Variants in ZNF521 observed in about 807,000 individuals in gnomAD.
ZNF521 encodes zinc finger protein 521.
ZNF521 carries 14 observed loss-of-function variants against 105.5 expected under a neutral mutation model. The observed-to-expected ratio is 0.13, with a 90% CI of 0.09 to 0.21. The LOEUF is 0.21. ZNF521 is among the 10% of genes least tolerant of loss of function. The pLI, the probability that ZNF521 is intolerant of heterozygous loss-of-function variation, is 1.00. For missense variants in ZNF521, 1,233 were observed against 1,629.7 expected, an observed-to-expected ratio of 0.76 and a Z score of 4.19; for synonymous variants, 635 against 606.0, an observed-to-expected ratio of 1.05 and a Z score of -0.70.
intron 2 of ZNF521, among the ~76,000 whole-genome samples, chr18:25,341,755 C>T (rs1914212508): frequency 1.3e-5 from 2 of 152,200 alleles, no homozygotes; most frequent in Admixed American, 6.5e-5. Context: ...TACACACGTA[C>T]GTCCTTCTCC....
At chr18:25,137,861 T>C (rs2034766388) in intron 5 of ZNF521, among the ~76,000 whole-genome samples, 2 of 152,196 alleles carry the variant, frequency 1.3e-5, no homozygotes, top group Non-Finnish European at 2.9e-5. Flanking sequence ...ATCCTAAGGA[T>C]GCCTAATCCT....
chr18:25,303,271 C>CGT (rs756904913), intron 3 of ZNF521, among the ~76,000 whole-genome samples: 15,025 of 132,446 alleles, frequency 0.11, 862 homozygotes, highest in East Asian at 0.15. Flanking sequence ...TTCTTTCTTT[C>CGT]GTGTGTGTGT....
At chr18:25,133,706 T>C (rs1278436729) in intron 5 of ZNF521, among the ~76,000 whole-genome samples, 1 of 152,196 alleles carries the variant, frequency 6.6e-6, no homozygotes, top group African/African-American at 2.4e-5. Flanking sequence ...TTATCATCAA[T>C]TTATTTTAAT....
intron 5 of ZNF521, among the ~76,000 whole-genome samples, chr18:25,190,769 G>T (rs193105454): frequency 2.9e-3 from 441 of 152,268 alleles, no homozygotes; most frequent in African/African-American, 0.01. Flanking sequence ...ACACTGTTAA[G>T]AACGGATTTA....
At chr18:25,320,303 G>C (rs1268074383) in intron 3 of ZNF521, among the ~76,000 whole-genome samples, 2 of 152,130 alleles carry the variant, frequency 1.3e-5, no homozygotes, top group Non-Finnish European at 2.9e-5. Context: ...CTCCTGAGTA[G>C]CTGGGATTAC....
In ZNF521 at chr18:25,224,926, G is replaced by T; in HGVS notation, c.2992C>A (p.Gln998Lys). ...TGCTCTAAAAACTCCTCTTCACTCT[G>T]GAGAGGCATCTTGCAAATCCGGCAG... The part of the protein sequence containing the change: ...GNCRICKMPL[Q>K]SEEEFLEHCQ... Residue 998 changes from glutamine (Q) to lysine (K), a missense_variant, in exon 4 of 8, where the codon CAG (glutamine) becomes AAG (lysine). Coordinates refer to ENST00000361524, the MANE Select transcript of ZNF521 (RefSeq NM_015461.3). 1 of 1,613,954 alleles carries T rather than the reference G, an allele frequency of 6.2e-7. No homozygotes were observed. The highest frequency in any genetic ancestry group is 1.3e-5 in the African/African-American group (1 of 75,010).
At chr18:25,240,386 AAAC>A (rs1266829581) in intron 3 of ZNF521, among the ~76,000 whole-genome samples, 2 of 152,108 alleles carry the variant, frequency 1.3e-5, no homozygotes, top group African/African-American at 2.4e-5. Flanking sequence ...ACAACAACAA[AAAC>A]AACAACAAAA....
intron 3 of ZNF521, among the ~76,000 whole-genome samples, chr18:25,275,137 T>C (rs1909948008): frequency 6.6e-6 from 1 of 152,300 alleles, no homozygotes; most frequent in East Asian, 1.9e-4. Flanking sequence ...AAATTTACAG[T>C]GGATTTCCTG....
At chr18:25,308,789 T>C (rs1371546638) in intron 3 of ZNF521, among the ~76,000 whole-genome samples, 1 of 152,132 alleles carries the variant, frequency 6.6e-6, no homozygotes, top group East Asian at 1.9e-4. Context: ...GATGAATGCA[T>C]AGTGGTATTG....
chr18:25,151,420 G>T (rs1443794007), intron 5 of ZNF521, among the ~76,000 whole-genome samples: 1 of 152,118 alleles, frequency 6.6e-6, no homozygotes, highest in Non-Finnish European at 1.5e-5. Context: ...AATGATTTAT[G>T]TTGTTACTAT....
intron 5 of ZNF521, among the ~76,000 whole-genome samples, chr18:25,173,862 A>C (rs2035490118): frequency 6.6e-6 from 1 of 152,192 alleles, no homozygotes; most frequent in Non-Finnish European, 1.5e-5. Context: ...AATCTAACTC[A>C]ATAATTCCTC....
At chr18:25,175,025 T>C (rs2035512722) in intron 5 of ZNF521, among the ~76,000 whole-genome samples, 2 of 152,232 alleles carry the variant, frequency 1.3e-5, no homozygotes, top group African/African-American at 4.8e-5. Context: ...ACTATTACCA[T>C]TCCTGTCAAT....
intron 4 of ZNF521, among the ~76,000 whole-genome samples, chr18:25,205,654 C>A (rs2144667213): frequency 6.6e-6 from 1 of 152,114 alleles, no homozygotes; most frequent in East Asian, 1.9e-4. Flanking sequence ...GAGACCCCAT[C>A]CAGAAGAGTG....
chr18:25,142,807 C>T (rs914471679), intron 5 of ZNF521, among the ~76,000 whole-genome samples: 3 of 151,922 alleles, frequency 2.0e-5, no homozygotes, highest in Non-Finnish European at 4.4e-5. Flanking sequence ...ATTAACACTA[C>T]TTTGTGATAA....
At chr18:25,158,546 A>G (rs2035190574) in intron 5 of ZNF521, among the ~76,000 whole-genome samples, 3 of 152,212 alleles carry the variant, frequency 2.0e-5, no homozygotes, top group Non-Finnish European at 4.4e-5. Context: ...GGAAAAGGAA[A>G]CACTATTATC....
In ZNF521 at chr18:25,334,415, C is replaced by A. The variant is rs140771713; in HGVS notation, c.41-12228G>T. On this transcript the variant is annotated intron_variant, in intron 2 of 7. Transcript: ENST00000361524. ...GATGAAAGATGCCCACTTTCAAGTT[C>A]TTTTTCTGCTTCAGCCATACTAACT... is the stretch of plus-strand genomic sequence containing the variant. Among the ~76,000 whole-genome samples the A allele has an allele frequency of 6.0e-4, 92 of 152,254 alleles. 1 individual carries two copies. In the East Asian group the frequency reaches 0.017, roughly 28 times the overall value.
At chr18:25,233,667 T>C (rs1483089098) in intron 3 of ZNF521, among the ~76,000 whole-genome samples, 1 of 151,204 alleles carries the variant, frequency 6.6e-6, no homozygotes, top group East Asian at 1.9e-4. Context: ...CAGAGGTTTT[T>C]TTTTTTTTTT....
intron 4 of ZNF521, among the ~76,000 whole-genome samples, chr18:25,206,197 G>T (rs1010453488): frequency 6.6e-6 from 1 of 151,902 alleles, no homozygotes; most frequent in Non-Finnish European, 1.5e-5. Context: ...TAGTAGAGAT[G>T]GGGTTTTGCT....
At chr18:25,161,422 A>G (rs150111790) in intron 5 of ZNF521, among the ~76,000 whole-genome samples, 113 of 152,236 alleles carry the variant, frequency 7.4e-4, no homozygotes, top group African/African-American at 2.7e-3. Flanking sequence ...TATGGACACA[A>G]TGGAGGGGAA....
Sources: allele counts gnomAD v4.1 joint callset (sites outside exome capture counted in the v4.1 genomes callset), GRCh38; gene constraint gnomAD v4.1.1; transcripts MANE v1.5; gene names NCBI Gene and HGNC (gene_info 2026-07-23, HGNC 2026-07-21).